Variants in MAML2 observed in about 807,000 individuals in gnomAD.
MAML2 encodes the protein mastermind-like protein 2.
In MAML2, 22 loss-of-function variants were observed where a neutral mutation model predicts 96.1. That is an observed-to-expected ratio of 0.23 (90% confidence interval 0.16 to 0.33). The LOEUF is 0.33. Among genes scored for constraint, MAML2 ranks in the 10% least tolerant of loss-of-function variants. The pLI is 1.00. For missense variants in MAML2, 1,367 were observed against 1,392.4 expected, an observed-to-expected ratio of 0.98 and a Z score of 0.29; for synonymous variants, 561 against 521.3, an observed-to-expected ratio of 1.08 and a Z score of -1.04.
At chr11:96,013,328 A>C (rs1402171058) in intron 2 of MAML2, among the ~76,000 whole-genome samples, 2 of 152,228 alleles carry the variant, frequency 1.3e-5, no homozygotes, top group Non-Finnish European at 2.9e-5. Flanking sequence ...TGAGGTCTCC[A>C]GTAGCTCATG....
At chr11:96,268,120 A>T (rs1353068284) in intron 1 of MAML2, among the ~76,000 whole-genome samples, 1 of 152,154 alleles carries the variant, frequency 6.6e-6, no homozygotes, top group Non-Finnish European at 1.5e-5. Flanking sequence ...CTATAATGGT[A>T]TTTGGATATC....
chr11:96,295,598 T>C (rs1323186992), intron 1 of MAML2, among the ~76,000 whole-genome samples: 1 of 152,170 alleles, frequency 6.6e-6, no homozygotes, highest in Non-Finnish European at 1.5e-5. Context: ...AATTTAAATA[T>C]GTAGCCATGT....
intron 1 of MAML2, among the ~76,000 whole-genome samples, chr11:96,240,198 T>C (rs1360863371): frequency 2.0e-5 from 3 of 152,210 alleles, no homozygotes; most frequent in Non-Finnish European, 4.4e-5. Flanking sequence ...TTCAATTTTA[T>C]ACTGTGATTA....
chr11:96,159,183 C>T (rs1861058216), intron 1 of MAML2, among the ~76,000 whole-genome samples: 2 of 152,166 alleles, frequency 1.3e-5, no homozygotes, highest in Non-Finnish European at 2.9e-5. Context: ...ACTTAGATGG[C>T]ACAGTCCCTT....
chr11:96,227,857 T>A (rs1028815944), intron 1 of MAML2, among the ~76,000 whole-genome samples: 3 of 152,180 alleles, frequency 2.0e-5, no homozygotes, highest in Non-Finnish European at 4.4e-5. Context: ...ATCCCAGCAT[T>A]TTGGGAGGCC....
chr11:96,317,459 T>TATG (rs1863647042), intron 1 of MAML2, among the ~76,000 whole-genome samples: 1 of 152,110 alleles, frequency 6.6e-6, no homozygotes, highest in Admixed American at 6.5e-5. Flanking sequence ...ATTATGAGGG[T>TATG]ATGTGAGATG....
intron 1 of MAML2, among the ~76,000 whole-genome samples, chr11:96,331,236 C>T (rs1214292082): frequency 6.6e-6 from 1 of 152,172 alleles, no homozygotes; most frequent in Admixed American, 6.5e-5. Flanking sequence ...TGCCACTGCA[C>T]TCCAGCCTGG....
At chr11:96,299,054 A>ATATATATATATATATAT (rs1484860694) in intron 1 of MAML2, among the ~76,000 whole-genome samples, 34 of 36,150 alleles carry the variant, frequency 9.4e-4, no homozygotes, top group South Asian at 2.3e-3. Flanking sequence ...CAAAAAAAAA[A>ATATATATATATATATAT]AAAAAAATAT....
At chr11:96,173,332 A>G (rs1219775447) in intron 1 of MAML2, among the ~76,000 whole-genome samples, 2 of 152,230 alleles carry the variant, frequency 1.3e-5, no homozygotes, top group African/African-American at 4.8e-5. Flanking sequence ...TGTAAATAAG[A>G]AACCAGAGGG....
At chr11:96,101,561 G>A (rs1228037787) in intron 1 of MAML2, among the ~76,000 whole-genome samples, 16 of 152,314 alleles carry the variant, frequency 1.1e-4, no homozygotes, top group Non-Finnish European at 1.5e-4. Context: ...TACTGTACAA[G>A]TCTAAACTAG....
At chr11:96,041,007 T>C (rs953400938) in intron 2 of MAML2, among the ~76,000 whole-genome samples, 6 of 152,218 alleles carry the variant, frequency 3.9e-5, no homozygotes, top group African/African-American at 1.4e-4. Flanking sequence ...TTCATTGTGA[T>C]TGCTGTAGAG....
chr11:96,027,478 A>T (rs1314281389), intron 2 of MAML2, among the ~76,000 whole-genome samples: 1 of 152,178 alleles, frequency 6.6e-6, no homozygotes, highest in Admixed American at 6.5e-5. Context: ...TTCTGACCTT[A>T]AGGAACTCAG....
At chr11:96,132,235 G>A (rs549055634) in intron 1 of MAML2, among the ~76,000 whole-genome samples, 4 of 152,164 alleles carry the variant, frequency 2.6e-5, no homozygotes, top group African/African-American at 9.6e-5. Context: ...ATGAGGTGAG[G>A]CATTTGTTGC....
At chr11:96,073,589 G>A (rs1859382916) in intron 2 of MAML2, among the ~76,000 whole-genome samples, 1 of 152,026 alleles carries the variant, frequency 6.6e-6, no homozygotes, top group Non-Finnish European at 1.5e-5. Flanking sequence ...CAAAGTGCTG[G>A]GATTACAGGT....
At chr11:96,074,947 C>T (rs1859411177) in intron 2 of MAML2, among the ~76,000 whole-genome samples, 1 of 151,938 alleles carries the variant, frequency 6.6e-6, no homozygotes, top group Non-Finnish European at 1.5e-5. Context: ...TTGATTTTTC[C>T]TCTGGAAAAA....
At chr11:96,143,882 G>C (rs977094306) in intron 1 of MAML2, among the ~76,000 whole-genome samples, 1 of 152,200 alleles carries the variant, frequency 6.6e-6, no homozygotes, top group Non-Finnish European at 1.5e-5. Context: ...CTGGGGGAAC[G>C]TGAGGTTTGT....
intron 2 of MAML2, among the ~76,000 whole-genome samples, chr11:96,051,741 T>C (rs1289875190): frequency 6.6e-6 from 1 of 152,198 alleles, no homozygotes. Flanking sequence ...CAAGCAACCA[T>C]TCAGGAGGCA....
At chr11:96,089,808 G>A (rs58816114) in intron 2 of MAML2, among the ~76,000 whole-genome samples, 2,357 of 151,966 alleles carry the variant, frequency 0.016, 61 homozygotes, top group African/African-American at 0.054. Context: ...ATCGAAGAGA[G>A]GCCCTTAACT....
At chr11:96,005,282 C>T (rs516488) in intron 2 of MAML2, among the ~76,000 whole-genome samples, 35,902 of 152,106 alleles carry the variant, frequency 0.24, 4,543 homozygotes, top group East Asian at 0.38. Context: ...CGTATACTGA[C>T]ATTTAATTGA....
Sources: gnomAD v4.1 joint callset for allele counts (sites outside exome capture counted in the v4.1 genomes callset) on GRCh38, gnomAD v4.1.1 for gene constraint, MANE v1.5 for transcripts, NCBI Gene and HGNC (gene_info 2026-07-23, HGNC 2026-07-21) for gene names.